Variants in MMAB observed in about 807,000 individuals in gnomAD.
MMAB encodes the protein metabolism of cobalamin associated B, also known as corrinoid adenosyltransferase MMAB.
A neutral mutation model predicts 30.6 loss-of-function variants in MMAB; 17 were observed. The ratio of observed to expected loss-of-function variants is 0.56; its 90% CI spans 0.38 to 0.83. MMAB has a LOEUF of 0.83. Among genes scored for constraint, MMAB ranks in the 40% least tolerant of loss-of-function variants. The pLI, the probability that MMAB is intolerant of heterozygous loss-of-function variation, is 0.00. For missense variants in MMAB, 311 were observed against 331.6 expected, an observed-to-expected ratio of 0.94 and a Z score of 0.48; for synonymous variants, 134 against 138.6, an observed-to-expected ratio of 0.97 and a Z score of 0.23.
At position 109,561,621 on chromosome 12, in the gene MMAB, C is replaced by T; in HGVS notation, c.422-104G>A. 8.1e-7 allele frequency: 1 copy of T among 1,227,858 alleles called. No individual in the cohort carries two copies. Among genetic ancestry groups the T allele is most frequent in the East Asian group, 2.5e-5 (1 of 39,508 alleles). 76.1% of individuals were successfully genotyped at this position (1,227,858 alleles called of 1,614,324 possible). On this transcript the variant is annotated intron_variant, in intron 5 of 8. Coordinates refer to ENST00000545712, the MANE Select transcript of MMAB (RefSeq NM_052845.4). This position sits in a 1 kb window ranked among gnomAD's most constrained non-coding sequence, Gnocchi z 5.3. ...TTCCACCTGGGTGTCCCGCAGACTGCTTCCACTGGCTCAGAAGGTACCTTC... is the reference window on the plus strand; with the variant it reads ...TTCCACCTGGGTGTCCCGCAGACTGTTTCCACTGGCTCAGAAGGTACCTTC...
chr12:109,563,715 C>T (rs1372738661), intron 4 of MMAB, among the ~76,000 whole-genome samples: 2 of 152,240 alleles, frequency 1.3e-5, no homozygotes, highest in African/African-American at 2.4e-5. Flanking sequence ...AGCCTTCCTC[C>T]ACCACACAGA....
chr12:109,563,299 C>T (rs928409707), intron 4 of MMAB, among the ~76,000 whole-genome samples: 5 of 152,222 alleles, frequency 3.3e-5, no homozygotes, highest in African/African-American at 1.2e-4. Flanking sequence ...GCAAGTCAGC[C>T]TTTCTGAGGC....
At chr12:109,573,214 G>T in intron 1 of MMAB, 133 bp downstream of exon 1, 1 of 1,242,690 alleles carries the variant, frequency 8.0e-7, no homozygotes, top group Non-Finnish European at 1.2e-6. Flanking sequence ...ACGTTGCCAT[G>T]GTGACGTCAG....
At position 109,554,623 on chromosome 12, in the gene MMAB, C is replaced by A. The variant is rs139044913; in HGVS notation, c.*2405G>T. ...GAGAGTTGCCAGTGGTGTGCAAACA[C>A]TGGGGCAGCGGGGGCTTCGCAGTCA... is the stretch of plus-strand genomic sequence containing the variant. On this transcript the variant is annotated 3_prime_UTR_variant, in exon 9 of 9. Transcript: ENST00000545712. 72 of 454,114 alleles carry A rather than the reference C, an allele frequency of 1.6e-4. No individual in the cohort carries two copies. The highest frequency in any genetic ancestry group is 1.3e-3 in the African/African-American group (65 of 50,120). 28.1% of individuals were successfully genotyped at this position (454,114 alleles called of 1,614,324 possible).
At position 109,558,592 on chromosome 12, in the gene MMAB, G is replaced by A. The variant is rs1884068949; in HGVS notation, c.644+504C>T. ...TCCAGCCTCATGGGCCGGCCGCGAG[G>A]CAGAGGAAGCCCTCCCTGGGCTAGC... On this transcript the variant is annotated intron_variant, in intron 8 of 8. Transcript: ENST00000545712. The surrounding 1 kb of genome is among the most constrained non-coding windows in gnomAD (Gnocchi z 4.3). 6.6e-6 allele frequency among the ~76,000 whole-genome samples: 1 copy of A among 152,148 alleles called. No individual in the cohort carries two copies. Among genetic ancestry groups the A allele is most frequent in the South Asian group, 2.1e-4 (1 of 4,830 alleles).
intron 3 of MMAB, chr12:109,568,451 C>T (rs1237759253): frequency 8.4e-6 from 4 of 477,014 alleles, no homozygotes; most frequent in Non-Finnish European, 1.5e-5. Flanking sequence ...GTGCATTATA[C>T]TAACTCACCT....
At position 109,555,100 on chromosome 12, in the gene MMAB, C is replaced by G. The variant is rs1391289825; in HGVS notation, c.*1928G>C. 1 of 453,878 alleles carries G rather than the reference C, an allele frequency of 2.2e-6. No individual in the cohort carries two copies. The highest frequency in any genetic ancestry group is 2.4e-5 in the Admixed American group (1 of 42,544). The allele number at this position is 453,878 out of a possible 1,614,324, so 28.1% of individuals were successfully genotyped here. A position where few individuals can be genotyped will look rare whatever the true frequency, so the allele number is the denominator to read the frequency against. On this transcript the variant is annotated 3_prime_UTR_variant, in exon 9 of 9. Transcript: ENST00000545712. ...TATTTACTCAAAAAGCTTTCCTTATCCTTTGGAGGCTGTGCTTTCCCATGG... is the reference window on the plus strand; with the variant it reads ...TATTTACTCAAAAAGCTTTCCTTATGCTTTGGAGGCTGTGCTTTCCCATGG...
intron 7 of MMAB, among the ~76,000 whole-genome samples, chr12:109,559,510 G>T (rs999291876): frequency 6.6e-6 from 1 of 152,226 alleles, no homozygotes; most frequent in Non-Finnish European, 1.5e-5. Context: ...CAAAGGAAGT[G>T]GGGGCCTGAC....
At chr12:109,560,902 G>T in intron 7 of MMAB, 138 bp downstream of exon 7, 1 of 860,272 alleles carries the variant, frequency 1.2e-6, no homozygotes, top group Non-Finnish European at 1.9e-6. Context: ...AGATGGCCCT[G>T]CTGTACCTGC....
Position 109,556,954 on chromosome 12 carries a change from C to T in MMAB, c.*74G>A, listed in dbSNP as rs764322779. 3.9e-6 allele frequency: 4 copies of T among 1,013,302 alleles called. No homozygotes were observed. The highest frequency in any genetic ancestry group is 6.2e-6 in the Non-Finnish European group (4 of 641,518). The allele number at this position is 1,013,302 out of a possible 1,614,324, so 62.8% of individuals were successfully genotyped here. A position where few individuals can be genotyped will look rare whatever the true frequency, so the allele number is the denominator to read the frequency against. ...TGGGTGAGCTCTTCAGGAACCAGGA[C>T]CCCAGAAGGGCAAGCTCCTCTCTCC... On this transcript the variant is annotated 3_prime_UTR_variant, in exon 9 of 9. Coordinates refer to ENST00000545712, the MANE Select transcript of MMAB (RefSeq NM_052845.4).
Position 109,556,971 on chromosome 12 carries a change from CCTCTCTCCA to C in MMAB, c.*48_*56del. On this transcript the variant is annotated 3_prime_UTR_variant, in exon 9 of 9. Coordinates refer to ENST00000545712, the MANE Select transcript of MMAB (RefSeq NM_052845.4). ...AACCAGGACCCCAGAAGGGCAAGCTCCTCTCTCCACGGCCATCGCCATGGAGGGATCCTC... is the reference window on the plus strand; with the variant it reads ...AACCAGGACCCCAGAAGGGCAAGCTCCGGCCATCGCCATGGAGGGATCCTC... The C allele has an allele frequency of 8.2e-7, 1 of 1,218,544 alleles. No individual in the cohort carries two copies. Among genetic ancestry groups the C allele is most frequent in the East Asian group, 2.3e-5 (1 of 42,998 alleles). 75.5% of individuals were successfully genotyped at this position (1,218,544 alleles called of 1,614,324 possible).
rs1337192403 is a variant in MMAB at position 109,573,431 on chromosome 12, C to A, written c.50G>T (p.Gly17Val). 1.9e-6 allele frequency: 3 copies of A among 1,607,198 alleles called. No individual in the cohort carries two copies. ...GGCGGCGCCGAAGCACCCGCGCAGG[C>A]CAAGACGGCTCCCCAGGCCAAGACG... is the stretch of plus-strand genomic sequence containing the variant. ...GSRLGLGSRL[G>V]LRGCFGAARL... Residue 17 changes from glycine to valine, a missense_variant, in exon 1 of 9, where the codon GGC (glycine) becomes GTC (valine). Transcript: ENST00000545712.
chr12:109,555,757 C>G lies in MMAB; in HGVS notation c.*1271G>C. 2 of 454,062 alleles carry G rather than the reference C, an allele frequency of 4.4e-6. No individual in the cohort carries two copies. The highest frequency in any genetic ancestry group is 8.8e-6 in the Non-Finnish European group (2 of 226,790). 28.1% of individuals were successfully genotyped at this position (454,062 alleles called of 1,614,324 possible). ...GTCAGCAATGAAAGGACCCAGAAGA[C>G]ACAAGTGAATATACCTGGCCCTCCT... On this transcript the variant is annotated 3_prime_UTR_variant, in exon 9 of 9. Transcript: ENST00000545712.
At chr12:109,560,972 TC>T in intron 7 of MMAB, 67 bp downstream of exon 7, 4 of 464,380 alleles carry the variant, frequency 8.6e-6, no homozygotes, top group Admixed American at 2.8e-5. Context: ...CCTCTCCCTC[TC>T]CCTCCCCCCT....
intron 7 of MMAB, among the ~76,000 whole-genome samples, chr12:109,560,137 C>T (rs1056122179): frequency 2.0e-5 from 3 of 152,200 alleles, no homozygotes; most frequent in East Asian, 1.9e-4. Flanking sequence ...AAAGCTTGTT[C>T]TGTTACCTGG....
chr12:109,561,565 C>A lies in MMAB; in HGVS notation c.422-48G>T. ...GAACTGCCATGAGGCCATCACCCAC[C>A]AGACCATGGCGGGAACCACCCCCGC... On this transcript the variant is annotated intron_variant, in intron 5 of 8. Transcript: ENST00000545712. The surrounding 1 kb of genome is among the most constrained non-coding windows in gnomAD (Gnocchi z 5.3). The A allele has an allele frequency of 6.7e-7, 1 of 1,495,826 alleles. No individual in the cohort carries two copies. 92.7% of individuals were successfully genotyped at this position (1,495,826 alleles called of 1,614,324 possible). A position where few individuals can be genotyped will look rare whatever the true frequency, so the allele number is the denominator to read the frequency against.
In MMAB at chr12:109,561,441, T is replaced by G. The variant is rs1238294284; in HGVS notation, c.498A>C (p.Pro166=). The change falls in exon 6 of 9, where the codon CCA becomes CCC. Residue 166 remains proline, a synonymous_variant. Coordinates refer to ENST00000545712, the MANE Select transcript of MMAB (RefSeq NM_052845.4). This position sits in a 1 kb window ranked among gnomAD's most constrained non-coding sequence, Gnocchi z 5.3. ...CTACAGGCAGGATGAAGGCCGTGAGTGGTGGGAGCTGGCTGGTGTACTTGT... is the reference window on the plus strand; with the variant it reads ...CTACAGGCAGGATGAAGGCCGTGAGGGGTGGGAGCTGGCTGGTGTACTTGT... ...WIDKYTSQLP[P]LTAFILPSGG... 1 of 1,550,670 alleles carries G rather than the reference T, an allele frequency of 6.4e-7. No individual in the cohort carries two copies. The highest frequency in any genetic ancestry group is 2.0e-5 in the Admixed American group (1 of 50,974).
chr12:109,559,664 A>G (rs1051192019), intron 7 of MMAB, among the ~76,000 whole-genome samples: 3 of 152,358 alleles, frequency 2.0e-5, no homozygotes, highest in African/African-American at 7.2e-5. Context: ...GTCTATTTGC[A>G]GATACATTAG....
At chr12:109,568,407 C>T (rs923965104) in intron 3 of MMAB, 2 of 325,542 alleles carry the variant, frequency 6.1e-6, no homozygotes, top group African/African-American at 4.2e-5. Context: ...ATGTAAAAAA[C>T]AACAGTCACA....
Sources: gnomAD v4.1 joint callset for allele counts (sites outside exome capture counted in the v4.1 genomes callset) on GRCh38, gnomAD v4.1.1 for gene constraint, Gnocchi (gnomAD v3.1) non-coding constraint, MANE v1.5 for transcripts, NCBI Gene and HGNC (gene_info 2026-07-23, HGNC 2026-07-21) for gene names.